Variants in CORO1C observed in about 807,000 individuals in gnomAD.
CORO1C encodes coronin 1C.
Under a neutral mutation model 51.2 loss-of-function variants are expected in CORO1C, and 14 were observed. That is an observed-to-expected ratio of 0.27 (90% CI 0.18 to 0.43). The LOEUF is 0.43. CORO1C is among the 20% of genes least tolerant of loss of function. CORO1C has a pLI of 1.00. For missense variants in CORO1C, 417 were observed against 607.8 expected (o/e 0.69, Z 3.30); for synonymous variants, 181 against 210.5 (o/e 0.86, Z 1.21).
Position 108,647,447 on chromosome 12 carries a change from G to C in CORO1C, c.1381C>G (p.Arg461Gly). 1 of 1,612,880 alleles carries C rather than the reference G, an allele frequency of 6.2e-7. No homozygotes were observed. The highest frequency in any genetic ancestry group is 8.5e-7 in the Non-Finnish European group (1 of 1,178,990). Residue 461 changes from arginine to glycine, a missense_variant, in exon 11 of 11, where the codon CGT becomes GGT. Arg to Gly is a moderately radical substitution (Grantham distance 125, BLOSUM62 -2). Coordinates refer to ENST00000261401, the MANE Select transcript of CORO1C (RefSeq NM_014325.4). ...IKDTICNQDE[R>G]ISKLEQQMAK... ...ATCTGCTGTTCTAACTTGGAAATAC[G>C]CTCATCTTGATTGCAGATTGTGTCT...
At chr12:108,679,066 G>A (rs113029519) in intron 2 of CORO1C, among the ~76,000 whole-genome samples, 137 of 132,416 alleles carry the variant, frequency 1.0e-3, no homozygotes, top group African/African-American at 3.7e-3. Context: ...AGCCGAGATC[G>A]TGCCACTACA....
intron 2 of CORO1C, among the ~76,000 whole-genome samples, chr12:108,688,619 A>G (rs1449638212): frequency 6.6e-6 from 1 of 152,186 alleles, no homozygotes; most frequent in Non-Finnish European, 1.5e-5. Flanking sequence ...AAAATGGATC[A>G]ATCTAAGCTG....
intron 4 of CORO1C, among the ~76,000 whole-genome samples, chr12:108,660,417 C>CT (rs2033206649): frequency 7.0e-6 from 1 of 143,266 alleles, no homozygotes; most frequent in Admixed American, 7.2e-5. Context: ...TGCCATTGCA[C>CT]TCCAGCCTGA....
intron 3 of CORO1C, among the ~76,000 whole-genome samples, chr12:108,673,818 T>G (rs1030731908): frequency 6.6e-6 from 1 of 152,160 alleles, no homozygotes; most frequent in African/African-American, 2.4e-5. Context: ...GCATGGCACA[T>G]GTATACATAT....
At chr12:108,692,399 T>C (rs150051153) in intron 2 of CORO1C, among the ~76,000 whole-genome samples, 34 of 152,298 alleles carry the variant, frequency 2.2e-4, no homozygotes, top group African/African-American at 7.9e-4. Context: ...TAAAACAGAG[T>C]ACCACAATGT....
intron 1 of CORO1C, chr12:108,730,164 A>G (rs138112468): frequency 5.1e-4 from 77 of 152,378 alleles, no homozygotes; most frequent in African/African-American, 1.8e-3. Context: ...GGAAATGAAC[A>G]ACTTGCAATT....
intron 10 of CORO1C, among the ~76,000 whole-genome samples, chr12:108,648,276 C>A (rs898693771): frequency 2.0e-5 from 3 of 152,284 alleles, no homozygotes; most frequent in Middle Eastern, 6.8e-3. Flanking sequence ...AAGGGTTTAA[C>A]TAGTTTGGCA....
chr12:108,717,556 A>G (rs1201547514), intron 1 of CORO1C, among the ~76,000 whole-genome samples: 2 of 152,228 alleles, frequency 1.3e-5, no homozygotes, highest in Non-Finnish European at 2.9e-5. Flanking sequence ...CAGTCCCAGT[A>G]GAAACAGAGA....
intron 6 of CORO1C, among the ~76,000 whole-genome samples, chr12:108,656,218 G>T: frequency 7.0e-6 from 1 of 141,960 alleles, no homozygotes; most frequent in Non-Finnish European, 1.5e-5. Context: ...GAGCCCCTCC[G>T]CCCGGCAGCC....
intron 1 of CORO1C, chr12:108,703,032 G>T: frequency 7.8e-7 from 1 of 1,285,018 alleles, no homozygotes; most frequent in Non-Finnish European, 1.0e-6. Flanking sequence ...CTTCTCAAGC[G>T]TGAGTTAGAT....
chr12:108,649,689 A>C (rs2032552192), intron 8 of CORO1C: 1 of 152,504 alleles, frequency 6.6e-6, no homozygotes, highest in African/African-American at 2.4e-5. Flanking sequence ...AACTAAACAG[A>C]CCAGAAATGA....
At chr12:108,677,345 G>C (rs2033944227) in intron 3 of CORO1C, among the ~76,000 whole-genome samples, 1 of 152,160 alleles carries the variant, frequency 6.6e-6, no homozygotes, top group South Asian at 2.1e-4. Context: ...GTATTCCAAA[G>C]CCTTGTTTCA....
At chr12:108,721,346 T>C (rs529452121) in intron 1 of CORO1C, among the ~76,000 whole-genome samples, 2 of 152,194 alleles carry the variant, frequency 1.3e-5, no homozygotes, top group Non-Finnish European at 2.9e-5. Flanking sequence ...CCCAGTACTA[T>C]TAGGCACACC....
At chr12:108,676,971 C>T (rs2033930352) in intron 3 of CORO1C, among the ~76,000 whole-genome samples, 2 of 152,174 alleles carry the variant, frequency 1.3e-5, no homozygotes, top group South Asian at 2.1e-4. Context: ...CAGCCAAAAG[C>T]CCATGAGGAA....
At chr12:108,710,884 G>A (rs950326249) in intron 1 of CORO1C, among the ~76,000 whole-genome samples, 1 of 152,046 alleles carries the variant, frequency 6.6e-6, no homozygotes, top group Non-Finnish European at 1.5e-5. Context: ...TACATGTTGG[G>A]TGAATATTTT....
In CORO1C at chr12:108,680,135, C is replaced by A. The variant is rs1592893549; in HGVS notation, c.196-1741G>T. Among the ~76,000 whole-genome samples, 7 of 152,290 alleles carry A rather than the reference C, an allele frequency of 4.6e-5. No homozygotes were observed. The South Asian group carries it at 1.5e-3, about 32-fold the overall frequency. On this transcript the variant is annotated intron_variant, in intron 2 of 10. Transcript: ENST00000261401. ...GAGATACAGACGTGAACAAGGCAGT[C>A]CTGTCCTGGCTAAATGTGGAGCCCA... is the stretch of plus-strand genomic sequence containing the variant.
At chr12:108,664,204 T>C (rs2033386265) in intron 3 of CORO1C, among the ~76,000 whole-genome samples, 1 of 152,176 alleles carries the variant, frequency 6.6e-6, no homozygotes, top group South Asian at 2.1e-4. Context: ...AGGAACTAGC[T>C]CATGAAAAAT....
chr12:108,717,724 T>C (rs1470220898), intron 1 of CORO1C, among the ~76,000 whole-genome samples: 1 of 152,214 alleles, frequency 6.6e-6, no homozygotes, highest in South Asian at 2.1e-4. Flanking sequence ...TACCTCTTAG[T>C]AGTAGCTTCA....
At chr12:108,702,673 C>T (rs1409103952) in intron 1 of CORO1C, 1 of 1,064,902 alleles carries the variant, frequency 9.4e-7, no homozygotes. Context: ...CACCTGTCCA[C>T]TCATGCCAGA....
Sources: gnomAD v4.1 joint callset for allele counts (sites outside exome capture counted in the v4.1 genomes callset) on GRCh38, gnomAD v4.1.1 for gene constraint, MANE v1.5 for transcripts, NCBI Gene and HGNC (gene_info 2026-07-23, HGNC 2026-07-21) for gene names.